The following NEBL variants were observed in gnomAD, a reference collection of about 807,000 sequenced individuals.
NEBL encodes LIM and SH3 protein 2.
In NEBL, 122 loss-of-function variants were observed where a neutral mutation model predicts 140.2. That is an observed-to-expected ratio of 0.87 (90% CI 0.75 to 1.01). The LOEUF is 1.01. Among genes scored for constraint, NEBL ranks in the 50% least tolerant of loss-of-function variants. The pLI, the probability that NEBL is intolerant of heterozygous loss-of-function variation, is 0.00. For missense variants in NEBL, 1,365 were observed against 1,231.3 expected (o/e 1.11, Z -1.62); for synonymous variants, 436 against 398.9 (o/e 1.09, Z -1.11).
intron 2 of NEBL, among the ~76,000 whole-genome samples, chr10:21,109,533 T>G (rs908061192): frequency 6.6e-6 from 1 of 152,188 alleles, no homozygotes; most frequent in Non-Finnish European, 1.5e-5. Context: ...TAGGGAGGAT[T>G]CCCTCTTTTT....
intron 2 of NEBL, among the ~76,000 whole-genome samples, chr10:20,893,417 G>C (rs1051085155): frequency 1.3e-5 from 2 of 152,206 alleles, no homozygotes; most frequent in Non-Finnish European, 2.9e-5. Context: ...GGCTGCCTCA[G>C]AAGACCAGCT....
At chr10:21,246,032 C>G (rs1842513480) in intron 3 of NEBL, among the ~76,000 whole-genome samples, 2 of 152,158 alleles carry the variant, frequency 1.3e-5, no homozygotes, top group Non-Finnish European at 2.9e-5. Flanking sequence ...CCTTCTGTGT[C>G]CCCACACAGA....
chr10:21,236,483 G>A (rs1291412588), intron 3 of NEBL, among the ~76,000 whole-genome samples: 4 of 151,680 alleles, frequency 2.6e-5, no homozygotes, highest in Non-Finnish European at 4.4e-5. Context: ...GAGTAGCTGG[G>A]ACTACAGGTG....
intron 3 of NEBL, among the ~76,000 whole-genome samples, chr10:20,968,336 C>T (rs1836420176): frequency 6.7e-6 from 1 of 150,084 alleles, no homozygotes; most frequent in African/African-American, 2.5e-5. Flanking sequence ...AAGGCCCCAT[C>T]TCTTAAAAAA....
chr10:20,801,378 G>T (rs967454915), intron 26 of NEBL, among the ~76,000 whole-genome samples: 1 of 151,764 alleles, frequency 6.6e-6, no homozygotes, highest in African/African-American at 2.4e-5. Context: ...TGTATTTTTA[G>T]TAGAGAAGGT....
intron 24 of NEBL, among the ~76,000 whole-genome samples, chr10:20,810,283 A>G (rs1212190313): frequency 6.6e-6 from 1 of 152,144 alleles, no homozygotes; most frequent in African/African-American, 2.4e-5. Flanking sequence ...AACAAGCAAA[A>G]TGTTTGATTA....
chr10:21,038,763 T>C (rs1429305321), intron 2 of NEBL, among the ~76,000 whole-genome samples: 1 of 152,218 alleles, frequency 6.6e-6, no homozygotes, highest in Non-Finnish European at 1.5e-5. Flanking sequence ...GATTTCTGGC[T>C]CTAGATCCTT....
chr10:21,112,093 G>C (rs1219915819), intron 2 of NEBL, among the ~76,000 whole-genome samples: 1 of 152,202 alleles, frequency 6.6e-6, no homozygotes, highest in African/African-American at 2.4e-5. Flanking sequence ...GGAAACAACA[G>C]ATGCTGGAGA....
At chr10:21,276,429 C>T (rs1801247860) in intron 1 of NEBL, among the ~76,000 whole-genome samples, 1 of 152,188 alleles carries the variant, frequency 6.6e-6, no homozygotes, top group African/African-American at 2.4e-5. Flanking sequence ...TTTCAAGTTC[C>T]TTGCCTTGAG....
chr10:21,207,763 C>T (rs1355358837), intron 3 of NEBL, among the ~76,000 whole-genome samples: 3 of 152,124 alleles, frequency 2.0e-5, no homozygotes, highest in Non-Finnish European at 4.4e-5. Flanking sequence ...CAGCCCTCTA[C>T]CCACAGACTA....
At chr10:21,282,661 T>C (rs181924002) in intron 1 of NEBL, among the ~76,000 whole-genome samples, 52 of 152,270 alleles carry the variant, frequency 3.4e-4, no homozygotes, top group African/African-American at 1.2e-3. Context: ...ACAGGTCATA[T>C]TGTCAGAGGC....
chr10:21,174,024 G>T, exon 1 of NEBL: 1 of 1,151,964 alleles, frequency 8.7e-7, no homozygotes, highest in South Asian at 4.2e-5. Flanking sequence ...GCCTGGGGCC[G>T]GCCGCGCTCT....
At chr10:20,791,807 GA>G (rs1346398198) in intron 26 of NEBL, among the ~76,000 whole-genome samples, 4 of 152,196 alleles carry the variant, frequency 2.6e-5, no homozygotes, top group Admixed American at 2.6e-4. Context: ...AAACGTTGAA[GA>G]GTACTCAAAA....
intron 4 of NEBL, among the ~76,000 whole-genome samples, chr10:20,947,229 C>T (rs1026944475): frequency 6.6e-6 from 1 of 152,138 alleles, no homozygotes; most frequent in African/African-American, 2.4e-5. Context: ...GGTCAGAATG[C>T]CTCGGTGCTA....
intron 2 of NEBL, among the ~76,000 whole-genome samples, chr10:21,134,597 AG>A (rs1266332382): frequency 6.6e-6 from 1 of 152,220 alleles, no homozygotes; most frequent in Non-Finnish European, 1.5e-5. Flanking sequence ...GATTTGGACA[AG>A]TTTCCATTCA....
intron 3 of NEBL, among the ~76,000 whole-genome samples, chr10:21,224,195 G>T (rs548865926): frequency 2.0e-5 from 3 of 152,186 alleles, no homozygotes; most frequent in Non-Finnish European, 4.4e-5. Flanking sequence ...TTTGTATATG[G>T]TGAGAGATAG....
chr10:20,928,134 T>C (rs1834003077), intron 4 of NEBL, among the ~76,000 whole-genome samples: 1 of 152,232 alleles, frequency 6.6e-6, no homozygotes, highest in Admixed American at 6.5e-5. Context: ...CAATTTATAC[T>C]TACAGCACAT....
Position 21,116,662 on chromosome 10 carries a change from G to T in NEBL, c.164+55721C>A, listed in dbSNP as rs188275045. 3.8e-3 allele frequency among the ~76,000 whole-genome samples: 584 copies of T among 151,830 alleles called. 4 individuals carry two copies. The highest frequency in any genetic ancestry group is 7.9e-3 in the South Asian group (38 of 4,808). On this transcript the variant is annotated intron_variant, in intron 2 of 6. Coordinates refer to the NEBL transcript ENST00000417816. ...ATTTTCCTGCTTCTTTGAATGCCTG[G>T]TAATTTCTTTTTCTTTTTACTTTTT...
chr10:20,846,470 T>C (rs1264280677), intron 11 of NEBL, among the ~76,000 whole-genome samples: 1 of 152,042 alleles, frequency 6.6e-6, no homozygotes, highest in East Asian at 1.9e-4. Context: ...CATACAGCAA[T>C]CTAACAAACA....
Sources: gnomAD v4.1 joint callset for allele counts (sites outside exome capture counted in the v4.1 genomes callset) on GRCh38, gnomAD v4.1.1 for gene constraint, MANE v1.5 for transcripts, NCBI Gene and HGNC (gene_info 2026-07-23, HGNC 2026-07-21) for gene names.